The following UPP2 variants were observed in gnomAD, a reference collection of about 807,000 sequenced individuals.
The protein encoded by UPP2 is uridine phosphorylase 2, also known as UPase 2.
In UPP2, 23 loss-of-function variants were observed where a neutral mutation model predicts 26.7. The observed-to-expected ratio is 0.86, with a 90% CI of 0.62 to 1.22. The LOEUF (loss-of-function observed/expected upper bound fraction) is 1.22. UPP2 is among the 50% of genes most tolerant of loss of function. The probability of loss-of-function intolerance (pLI) is 0.00; values close to 1 mark genes in which losing one functional copy is unlikely to be tolerated. For missense variants in UPP2, 387 were observed against 396.7 expected, an observed-to-expected ratio of 0.98 and a Z score of 0.21; for synonymous variants, 127 against 141.3, an observed-to-expected ratio of 0.90 and a Z score of 0.72.
intron 6 of UPP2, chr2:158,133,592 T>G (rs990792990): frequency 6.6e-6 from 1 of 152,204 alleles, no homozygotes; most frequent in African/African-American, 2.4e-5. Context: ...TCACAATGTA[T>G]ACATATATCA....
At chr2:158,054,366 C>A (rs143495925) in intron 3 of UPP2, among the ~76,000 whole-genome samples, 1 of 143,346 alleles carries the variant, frequency 7.0e-6, no homozygotes, top group Non-Finnish European at 1.5e-5. Flanking sequence ...CATGTTTTTG[C>A]TTTGTTGGTT....
chr2:158,047,343 C>G (rs1684170712), intron 3 of UPP2, among the ~76,000 whole-genome samples: 1 of 152,210 alleles, frequency 6.6e-6, no homozygotes, highest in African/African-American at 2.4e-5. Context: ...GGCAAAGCCA[C>G]ATGATGCCCC....
chr2:158,062,362 C>T (rs1178759267), intron 3 of UPP2, among the ~76,000 whole-genome samples: 1 of 152,056 alleles, frequency 6.6e-6, no homozygotes, highest in Non-Finnish European at 1.5e-5. Flanking sequence ...CAGTGTAGTT[C>T]TAGATGCTGA....
intron 3 of UPP2, among the ~76,000 whole-genome samples, chr2:158,057,316 T>G (rs1035331755): frequency 6.6e-6 from 1 of 152,124 alleles, no homozygotes; most frequent in Admixed American, 6.6e-5. Context: ...CTCCTGCTCT[T>G]CAGGGTGAAA....
chr2:158,128,670 C>T (rs955385976), intron 6 of UPP2, among the ~76,000 whole-genome samples: 8 of 152,168 alleles, frequency 5.3e-5, no homozygotes, highest in African/African-American at 1.9e-4. Flanking sequence ...CAGCTTTGCA[C>T]CCTGCCTGCC....
chr2:158,052,328 C>T (rs900727007), intron 3 of UPP2, among the ~76,000 whole-genome samples: 1 of 152,178 alleles, frequency 6.6e-6, no homozygotes, highest in Non-Finnish European at 1.5e-5. Context: ...CTTATTCTAT[C>T]AAATGAAGCT....
At chr2:158,067,589 A>G (rs1022954349) in intron 3 of UPP2, among the ~76,000 whole-genome samples, 1 of 152,156 alleles carries the variant, frequency 6.6e-6, no homozygotes. Flanking sequence ...ATGGTGTCCC[A>G]TTATGGGCAG....
intron 4 of UPP2, among the ~76,000 whole-genome samples, chr2:158,119,817 C>T (rs926528994): frequency 1.3e-5 from 2 of 151,694 alleles, no homozygotes; most frequent in Non-Finnish European, 2.9e-5. Context: ...TGAGACCAGC[C>T]TGGCCAATGT....
intron 3 of UPP2, among the ~76,000 whole-genome samples, chr2:158,083,722 G>T (rs1451991793): frequency 2.0e-5 from 3 of 150,604 alleles, no homozygotes; most frequent in Admixed American, 1.3e-4. Flanking sequence ...AAATATAATT[G>T]TCTCCAATTC....
chr2:158,028,875 A>T (rs1393443588), intron 3 of UPP2, among the ~76,000 whole-genome samples: 1 of 152,212 alleles, frequency 6.6e-6, no homozygotes, highest in Non-Finnish European at 1.5e-5. Flanking sequence ...CTTATTCACT[A>T]CCATAAGAAC....
At chr2:158,080,229 T>A (rs1017861369) in intron 3 of UPP2, among the ~76,000 whole-genome samples, 4 of 152,170 alleles carry the variant, frequency 2.6e-5, no homozygotes, top group Non-Finnish European at 5.9e-5. Context: ...AGATATTTAA[T>A]ATATATTTTC....
intron 3 of UPP2, among the ~76,000 whole-genome samples, chr2:158,038,935 T>C (rs1402604585): frequency 6.7e-6 from 1 of 148,996 alleles, no homozygotes; most frequent in Non-Finnish European, 1.5e-5. Context: ...ATGAGGGAAA[T>C]GCTTTCCCCT....
At chr2:158,040,900 C>T (rs1319529269) in intron 3 of UPP2, among the ~76,000 whole-genome samples, 4 of 152,102 alleles carry the variant, frequency 2.6e-5, no homozygotes, top group African/African-American at 4.8e-5. Flanking sequence ...AGTCATTGAA[C>T]CTGCTAGAGA....
intron 5 of UPP2, among the ~76,000 whole-genome samples, chr2:158,121,969 C>T (rs983005627): frequency 5.3e-5 from 8 of 151,942 alleles, no homozygotes; most frequent in South Asian, 4.1e-4. Context: ...TCATCTGTAC[C>T]TCAAAAATGA....
chr2:158,079,674 G>A (rs927606578), intron 3 of UPP2, among the ~76,000 whole-genome samples: 2 of 151,838 alleles, frequency 1.3e-5, no homozygotes, highest in Non-Finnish European at 2.9e-5. Context: ...TCAAATGGCT[G>A]AAAAAAAGCC....
At chr2:158,130,919 A>G (rs868717508) in intron 6 of UPP2, among the ~76,000 whole-genome samples, 4 of 152,212 alleles carry the variant, frequency 2.6e-5, no homozygotes, top group Non-Finnish European at 5.9e-5. Context: ...TTTGAGAAAC[A>G]TGACTCTAGA....
intron 6 of UPP2, among the ~76,000 whole-genome samples, chr2:158,131,227 A>C (rs1341333298): frequency 3.9e-5 from 6 of 152,160 alleles, no homozygotes; most frequent in African/African-American, 1.4e-4. Flanking sequence ...CTCCAAAGCT[A>C]ATCTTTGCTG....
At chr2:158,114,331 C>T (rs867177190) in intron 2 of UPP2, among the ~76,000 whole-genome samples, 6 of 152,156 alleles carry the variant, frequency 3.9e-5, no homozygotes, top group Admixed American at 3.9e-4. Flanking sequence ...CTCTCCCTGG[C>T]GTCCACCTCT....
Position 158,130,462 on chromosome 2 carries a change from CAAAAAA to C in UPP2, c.812-4279_812-4274del, listed in dbSNP as rs11461708. On this transcript the variant is annotated intron_variant, in intron 6 of 6. Transcript: ENST00000005756. ...CAAGAATCCGTCTCAAAAAAAAAAA[CAAAAAA>C]AAAAAACCACTGTGCATTATACAGC... Among the ~76,000 whole-genome samples the C allele has an allele frequency of 3.7e-3, 284 of 75,864 alleles. 1 individual carries two copies. Among genetic ancestry groups the C allele is most frequent in the Middle Eastern group, 7.6e-3 (1 of 132 alleles). The allele number at this position is 75,864 out of a possible 152,430, so 49.8% of individuals were successfully genotyped here. A position where few individuals can be genotyped will look rare whatever the true frequency, so the allele number is the denominator to read the frequency against.
Sources: allele counts gnomAD v4.1 joint callset (sites outside exome capture counted in the v4.1 genomes callset), GRCh38; gene constraint gnomAD v4.1.1; transcripts MANE v1.5; gene names NCBI Gene and HGNC (gene_info 2026-07-23, HGNC 2026-07-21).